GRM3: variants seen among roughly 807,000 people sequenced by gnomAD.
GRM3 encodes the protein glutamate metabotropic receptor 3.
In GRM3, 26 loss-of-function variants were observed where a neutral mutation model predicts 70.5. The observed-to-expected ratio is 0.37, with a 90% CI of 0.27 to 0.51. The LOEUF (loss-of-function observed/expected upper bound fraction) is 0.51, where lower values mean the gene tolerates loss of function less well. Among genes scored for constraint, GRM3 ranks in the 20% least tolerant of loss-of-function variants. The pLI, the probability that GRM3 is intolerant of heterozygous loss-of-function variation, is 0.93. For missense variants in GRM3, 859 were observed against 1,123.8 expected, an observed-to-expected ratio of 0.76 and a Z score of 3.37; for synonymous variants, 443 against 434.9, an observed-to-expected ratio of 1.02 and a Z score of -0.23.
chr7:86,843,035 G>A (rs1273684875), intron 4 of GRM3, among the ~76,000 whole-genome samples: 1 of 152,220 alleles, frequency 6.6e-6, no homozygotes, highest in South Asian at 2.1e-4. Context: ...AAAATGGGCC[G>A]GGGGCAGGGC....
At chr7:86,840,275 A>G (rs1299167316) in intron 4 of GRM3, among the ~76,000 whole-genome samples, 1 of 152,208 alleles carries the variant, frequency 6.6e-6, no homozygotes, top group East Asian at 1.9e-4. Flanking sequence ...TCTATTTGAG[A>G]ATACTTTAAA....
intron 3 of GRM3, among the ~76,000 whole-genome samples, chr7:86,834,633 T>G (rs1329757787): frequency 6.6e-6 from 1 of 151,824 alleles, no homozygotes; most frequent in Non-Finnish European, 1.5e-5. Context: ...TTTCAATCAG[T>G]TTTATTGTTT....
chr7:86,829,094 G>T (rs948238385), intron 3 of GRM3, among the ~76,000 whole-genome samples: 8 of 152,154 alleles, frequency 5.3e-5, no homozygotes, highest in African/African-American at 1.9e-4. Flanking sequence ...TTCTAATTCT[G>T]GTTCTCTTGC....
At chr7:86,720,379 A>G (rs182798123) in intron 1 of GRM3, among the ~76,000 whole-genome samples, 1 of 152,198 alleles carries the variant, frequency 6.6e-6, no homozygotes, top group African/African-American at 2.4e-5. Context: ...AAATGAGGGT[A>G]CCATTGAGCA....
intron 1 of GRM3, among the ~76,000 whole-genome samples, chr7:86,738,794 A>G (rs1388527462): frequency 1.3e-5 from 2 of 152,224 alleles, no homozygotes; most frequent in Non-Finnish European, 2.9e-5. Flanking sequence ...ATAAAAAATG[A>G]TATCATGCAC....
chr7:86,700,904 C>G (rs1029081120), intron 1 of GRM3, among the ~76,000 whole-genome samples: 1 of 151,882 alleles, frequency 6.6e-6, no homozygotes, highest in Admixed American at 6.6e-5. Flanking sequence ...AACTTACCCT[C>G]TACTAATTAG....
At chr7:86,716,659 A>G (rs1381694607) in intron 1 of GRM3, among the ~76,000 whole-genome samples, 1 of 149,054 alleles carries the variant, frequency 6.7e-6, no homozygotes, top group East Asian at 2.0e-4. Flanking sequence ...CAATAACCCA[A>G]TTGGCCACTA....
chr7:86,687,000 A>G (rs1445910071), intron 1 of GRM3, among the ~76,000 whole-genome samples: 4 of 152,006 alleles, frequency 2.6e-5, no homozygotes, highest in Admixed American at 2.6e-4. Context: ...CAGATTGGAA[A>G]CATCAGAATA....
intron 1 of GRM3, among the ~76,000 whole-genome samples, chr7:86,718,328 C>T (rs1266861251): frequency 1.3e-5 from 2 of 151,934 alleles, no homozygotes; most frequent in African/African-American, 4.8e-5. Context: ...ATTAAATAAA[C>T]ACTGGAAAAC....
intron 2 of GRM3, chr7:86,784,678 T>C (rs1797177640): frequency 6.6e-6 from 1 of 152,184 alleles, no homozygotes; most frequent in African/African-American, 2.4e-5. Flanking sequence ...AAGAAATAAA[T>C]AATATATTAG....
intron 1 of GRM3, among the ~76,000 whole-genome samples, chr7:86,734,395 C>G (rs534165545): frequency 6.6e-5 from 10 of 152,256 alleles, no homozygotes; most frequent in Admixed American, 5.2e-4. Flanking sequence ...TACTTATTAG[C>G]AATTCTGCCA....
chr7:86,702,932 A>G (rs1268567484), intron 1 of GRM3, among the ~76,000 whole-genome samples: 1 of 151,966 alleles, frequency 6.6e-6, no homozygotes, highest in Non-Finnish European at 1.5e-5. Flanking sequence ...AAGAAAACAA[A>G]TCACCCATGT....
At chr7:86,721,901 T>C (rs10239714) in intron 1 of GRM3, among the ~76,000 whole-genome samples, 53,865 of 151,948 alleles carry the variant, frequency 0.35, 10,781 homozygotes, top group African/African-American at 0.55. Context: ...AGAAGGAATA[T>C]CACTAGGAAG....
At chr7:86,650,364 A>G (rs887729953) in intron 1 of GRM3, among the ~76,000 whole-genome samples, 1 of 151,698 alleles carries the variant, frequency 6.6e-6, no homozygotes, top group Non-Finnish European at 1.5e-5. Flanking sequence ...TTATTTATTT[A>G]TTTTAATTAA....
chr7:86,648,200 T>G (rs993964459), intron 1 of GRM3, among the ~76,000 whole-genome samples: 1 of 152,100 alleles, frequency 6.6e-6, no homozygotes, highest in Non-Finnish European at 1.5e-5. Context: ...TAACTATATG[T>G]TCCTAATAAT....
At chr7:86,745,820 A>C (rs1332834696) in intron 1 of GRM3, among the ~76,000 whole-genome samples, 2 of 152,118 alleles carry the variant, frequency 1.3e-5, no homozygotes, top group Non-Finnish European at 2.9e-5. Flanking sequence ...TCTTTTGTCT[A>C]AAGTTGAAGA....
chr7:86,751,334 T>C (rs1307315266), intron 1 of GRM3, among the ~76,000 whole-genome samples: 2 of 152,100 alleles, frequency 1.3e-5, no homozygotes, highest in African/African-American at 4.8e-5. Context: ...AAATTTGAGT[T>C]ATGTTTTGTT....
At chr7:86,819,911 A>C (rs1798085880) in intron 3 of GRM3, among the ~76,000 whole-genome samples, 1 of 152,160 alleles carries the variant, frequency 6.6e-6, no homozygotes, top group African/African-American at 2.4e-5. Context: ...TTCTAGGTGA[A>C]CCTAGGTATG....
intron 1 of GRM3, among the ~76,000 whole-genome samples, chr7:86,658,449 C>T (rs1255982193): frequency 1.3e-5 from 2 of 152,172 alleles, no homozygotes; most frequent in African/African-American, 4.8e-5. Flanking sequence ...TCCACTCCAA[C>T]CCCTTCAGGG....
Sources: gnomAD v4.1 joint callset for allele counts (sites outside exome capture counted in the v4.1 genomes callset) on GRCh38, gnomAD v4.1.1 for gene constraint, MANE v1.5 for transcripts, NCBI Gene and HGNC (gene_info 2026-07-23, HGNC 2026-07-21) for gene names.